The following CDCA2 variants were observed in gnomAD, a reference collection of about 807,000 sequenced individuals.
CDCA2 encodes the protein cell division cycle associated 2, also known as cell division cycle-associated protein 2.
In CDCA2, 44 loss-of-function variants were observed where a neutral mutation model predicts 67.0. The ratio of observed to expected loss-of-function variants is 0.66; its 90% CI spans 0.52 to 0.84. The LOEUF (loss-of-function observed/expected upper bound fraction) is 0.84. CDCA2 is among the 40% of genes least tolerant of loss of function. The probability of loss-of-function intolerance (pLI) is 0.00; values close to 1 mark genes in which losing one functional copy is unlikely to be tolerated. For synonymous variants in CDCA2, 447 were observed against 418.7 expected, an observed-to-expected ratio of 1.07 and a Z score of -0.82; for missense variants, 1,253 against 1,203.2, an observed-to-expected ratio of 1.04 and a Z score of -0.61.
intron 7 of CDCA2, among the ~76,000 whole-genome samples, chr8:25,478,888 G>GTATATATATATATATATA (rs71511103): frequency 2.3e-3 from 258 of 111,484 alleles, no homozygotes; most frequent in African/African-American, 9.8e-3. Flanking sequence ...TTGTGTGTGT[G>GTATATATATATATATATA]TATATATATA....
intron 7 of CDCA2, 32 bp downstream of exon 7, chr8:25,470,012 T>G (rs1258466157): frequency 2.2e-6 from 3 of 1,389,284 alleles, no homozygotes; most frequent in Non-Finnish European, 3.0e-6. Context: ...CATGGCCAGT[T>G]GCCCGATTCA....
intron 7 of CDCA2, among the ~76,000 whole-genome samples, chr8:25,470,920 C>T (rs947719393): frequency 1.2e-4 from 19 of 152,190 alleles, no homozygotes; most frequent in African/African-American, 4.3e-4. Context: ...CACCACCATG[C>T]CCAGCTAATT....
In CDCA2 at chr8:25,462,067, C is replaced by T. The variant is rs774444771; in HGVS notation, c.246C>T (p.Ser82=). The change falls in exon 4 of 15, where the codon TCC becomes TCT. Residue 82 remains serine, a synonymous_variant. Coordinates refer to ENST00000330560, the MANE Select transcript of CDCA2 (RefSeq NM_152562.4). ...GTTTCATTACAGGAAAGTCATCATC[C>T]TACCTTAAAAAATGTAGACGACGTT... ...FVRNSAGKSS[S]YLKKCRRRSA... The T allele has an allele frequency of 8.7e-6, 14 of 1,613,614 alleles. No homozygotes were observed. In the East Asian group the frequency reaches 2.0e-4, roughly 23 times the overall value.
At chr8:25,502,360 T>C (rs976096332) in intron 13 of CDCA2, among the ~76,000 whole-genome samples, 2 of 152,276 alleles carry the variant, frequency 1.3e-5, no homozygotes, top group East Asian at 1.9e-4. Context: ...TTTAAAAACA[T>C]AAAACATTAT....
At position 25,506,583 on chromosome 8, in the gene CDCA2, GC is replaced by G. The variant is rs1563288143; in HGVS notation, c.1918del (p.Arg640ValfsTer24). ...ATCCAGTGAAAAGAAAGGATCTTTT[GC>G]GTCATGACCCAGATTTGCATATGCA... ...KNPVKRKDLL[R>X]HDPDLHMHQG... On this transcript the variant is annotated frameshift_variant, in exon 15 of 15. Transcript: ENST00000330560. LOFTEE classifies it low-confidence loss of function (END_TRUNC). The G allele has an allele frequency of 6.2e-7, 1 of 1,604,202 alleles. No individual in the cohort carries two copies. The highest frequency in any genetic ancestry group is 1.7e-5 in the Admixed American group (1 of 57,340).
intron 7 of CDCA2, among the ~76,000 whole-genome samples, chr8:25,473,911 G>C (rs1248478364): frequency 6.6e-6 from 1 of 152,190 alleles, no homozygotes; most frequent in African/African-American, 2.4e-5. Context: ...AAGGAGGGCA[G>C]TACTAATTTC....
intron 5 of CDCA2, among the ~76,000 whole-genome samples, chr8:25,467,330 T>A (rs912565081): frequency 2.0e-5 from 3 of 152,184 alleles, no homozygotes; most frequent in Admixed American, 6.5e-5. Context: ...CCCATGAGGA[T>A]TGCTCTGTTA....
At chr8:25,465,975 A>G (rs17053766) in intron 4 of CDCA2, among the ~76,000 whole-genome samples, 200 bp from the exon 5 acceptor site, 1,849 of 152,226 alleles carry the variant, frequency 0.012, 26 homozygotes, top group African/African-American at 0.042. Flanking sequence ...GCCTCTCAAC[A>G]TTTTTGTGTT....
chr8:25,507,341 G>A lies in CDCA2; in HGVS notation c.2675G>A (p.Arg892His), dbSNP rs777876068. The A allele has an allele frequency of 2.5e-6, 4 of 1,613,804 alleles. No individual in the cohort carries two copies. Among genetic ancestry groups the A allele is most frequent in the Admixed American group, 3.3e-5 (2 of 59,958 alleles). The change falls in exon 15 of 15, where the codon CGT (arginine) becomes CAT (histidine). Residue 892 changes from arginine (R) to histidine (H), a missense_variant. By Grantham distance (29) the Arg-to-His change is conservative. Transcript: ENST00000330560. ...AGAAATAGTGAAACCAAAGTGCGAC[G>A]TAGCACGAGGCTACAGAAGGATTTA... The part of the protein sequence containing the change: ...QRRNSETKVR[R>H]STRLQKDLEN...
At chr8:25,491,111 A>G (rs1487179691) in intron 13 of CDCA2, among the ~76,000 whole-genome samples, 4 of 152,200 alleles carry the variant, frequency 2.6e-5, no homozygotes, top group Non-Finnish European at 5.9e-5. Flanking sequence ...AAAACATAAA[A>G]TTTAGTAGTT....
At chr8:25,468,990 C>G (rs1440399392) in intron 6 of CDCA2, among the ~76,000 whole-genome samples, 1 of 152,206 alleles carries the variant, frequency 6.6e-6, no homozygotes, top group Non-Finnish European at 1.5e-5. Context: ...TAAACCCTGT[C>G]AAGACGATCA....
chr8:25,472,942 A>T (rs543726850), intron 7 of CDCA2, among the ~76,000 whole-genome samples: 1 of 152,156 alleles, frequency 6.6e-6, no homozygotes, highest in Non-Finnish European at 1.5e-5. Flanking sequence ...TGTGCAATAG[A>T]TCTCAAAACT....
chr8:25,468,552 T>TGTGC, intron 6 of CDCA2, 139 bp downstream of exon 6: 1 of 501,296 alleles, frequency 2.0e-6, no homozygotes, highest in Non-Finnish European at 3.5e-6. Context: ...TGTGTGTGTG[T>TGTGC]GTGTGCGTGT....
In CDCA2 at chr8:25,479,944, A is replaced by AG; in HGVS notation, c.854dup (p.Ser286IlefsTer3). ...AGGTTGCTGACTGTGTAGTGGGCAA[A>AG]GGATCAAGTGATGCCGTTTCGCCTG... On this transcript the variant is annotated frameshift_variant, in exon 8 of 15. Coordinates refer to ENST00000330560, the MANE Select transcript of CDCA2 (RefSeq NM_152562.4). LOFTEE classifies it high-confidence loss of function. The AG allele has an allele frequency of 1.9e-6, 3 of 1,614,184 alleles. No homozygotes were observed. The highest frequency in any genetic ancestry group is 2.5e-6 in the Non-Finnish European group (3 of 1,180,040).
intron 13 of CDCA2, among the ~76,000 whole-genome samples, chr8:25,489,622 T>G (rs548192415): frequency 1.3e-5 from 2 of 152,282 alleles, no homozygotes; most frequent in South Asian, 4.1e-4. Context: ...CTTTGCCGCT[T>G]CACTTCATTT....
rs537955659 is a variant in CDCA2, at chr8:25,495,057, AG to A, written c.1671+6369del. 1.2e-4 allele frequency among the ~76,000 whole-genome samples: 18 copies of A among 152,358 alleles called. No homozygotes were observed. In the South Asian group the frequency reaches 3.7e-3, roughly 32 times the overall value. ...TACCTAGTTTGTGACATTTTATTAC[AG>A]TAGCCTTACAAACTAATACATTACC... On this transcript the variant is annotated intron_variant, in intron 13 of 14. Coordinates refer to ENST00000330560, the MANE Select transcript of CDCA2 (RefSeq NM_152562.4).
Position 25,466,175 on chromosome 8 carries a change from G to C in CDCA2, c.388G>C (p.Gly130Arg). The C allele has an allele frequency of 6.3e-7, 1 of 1,595,708 alleles. No individual in the cohort carries two copies. The change falls in exon 5 of 15, where the codon GGC (glycine) becomes CGC (arginine). Residue 130 changes from glycine to arginine, a missense_variant and splice_region_variant. Physicochemically the swap from Gly to Arg is moderately radical, Grantham distance 125 (BLOSUM62 -2). Coordinates refer to ENST00000330560, the MANE Select transcript of CDCA2 (RefSeq NM_152562.4). ...CCTTGTATATTTTGCACTTTCACAG[G>C]GCAGCCCTGCACTGTATCGAAATGT... ...SPLAQDSPSQ[G>R]SPALYRNVNT...
chr8:25,460,881 G>A (rs980565637), intron 3 of CDCA2, among the ~76,000 whole-genome samples: 2 of 152,102 alleles, frequency 1.3e-5, no homozygotes, highest in Non-Finnish European at 2.9e-5. Flanking sequence ...TAGTAATAAT[G>A]CATTTTGTTT....
chr8:25,481,987 G>GGAATTCTTGA (rs1386306365), intron 8 of CDCA2, among the ~76,000 whole-genome samples: 1 of 152,168 alleles, frequency 6.6e-6, no homozygotes, highest in Non-Finnish European at 1.5e-5. Flanking sequence ...GAGAAAATGA[G>GGAATTCTTGA]GAATTCTTGA....
Sources: gnomAD v4.1 joint callset for allele counts (sites outside exome capture counted in the v4.1 genomes callset) on GRCh38, gnomAD v4.1.1 for gene constraint, MANE v1.5 for transcripts, NCBI Gene and HGNC (gene_info 2026-07-23, HGNC 2026-07-21) for gene names.